THEMIS: variants seen among roughly 807,000 people sequenced by gnomAD.
THEMIS encodes the protein protein THEMIS.
THEMIS carries 37 observed loss-of-function variants against 52.6 expected under a neutral mutation model. That is an observed-to-expected ratio of 0.70 (90% CI 0.54 to 0.93). The LOEUF is 0.93. Ranked by LOEUF, THEMIS falls within the 40% of genes least tolerant of loss-of-function variation. The pLI is 0.00. For missense variants in THEMIS, 808 were observed against 763.1 expected, an observed-to-expected ratio of 1.06 and a Z score of -0.69; for synonymous variants, 292 against 272.7, an observed-to-expected ratio of 1.07 and a Z score of -0.70.
intron 2 of THEMIS, among the ~76,000 whole-genome samples, chr6:127,843,385 T>G (rs1779115356): frequency 6.6e-6 from 1 of 151,956 alleles, no homozygotes; most frequent in Non-Finnish European, 1.5e-5. Context: ...GTAGCCATTG[T>G]GCTGAGCACT....
intron 4 of THEMIS, among the ~76,000 whole-genome samples, chr6:127,803,428 A>T (rs1365555371): frequency 6.6e-6 from 1 of 152,112 alleles, no homozygotes; most frequent in South Asian, 2.1e-4. Flanking sequence ...TTTGCTTATT[A>T]TTAAAGTGTT....
chr6:127,764,866 G>C (rs1381094366), intron 4 of THEMIS, among the ~76,000 whole-genome samples: 2 of 151,752 alleles, frequency 1.3e-5, no homozygotes, highest in East Asian at 3.9e-4. Flanking sequence ...CATGAAATTA[G>C]ACCCCCCAAT....
rs772439500 is a variant in THEMIS, at chr6:127,813,304, A to G, written c.1337T>C (p.Ile446Thr). 1.9e-6 allele frequency: 3 copies of G among 1,614,146 alleles called. No individual in the cohort carries two copies. Among genetic ancestry groups the G allele is most frequent in the East Asian group, 2.2e-5 (1 of 44,882 alleles). The change falls in exon 4 of 6, where the codon ATT (isoleucine) becomes ACT (threonine). Residue 446 changes from isoleucine to threonine, a missense_variant. Ile to Thr is a moderately conservative substitution (Grantham distance 89). Coordinates refer to ENST00000368248, the MANE Select transcript of THEMIS (RefSeq NM_001010923.3). ...ACGGAACTGTTTACAGAGCTCAGAA[A>G]TCGGGTACTGTTTCTTATCATGAAT... ...EVIHDKKQYP[I>T]SELCKQFRLP...
At chr6:127,754,724 A>G (rs1454592454) in intron 4 of THEMIS, among the ~76,000 whole-genome samples, 1 of 152,180 alleles carries the variant, frequency 6.6e-6, no homozygotes, top group East Asian at 1.9e-4. Flanking sequence ...AAAAAAGAGG[A>G]GTTAATATAA....
chr6:127,785,220 T>TATCTATCTATC lies in THEMIS; in HGVS notation c.1758+27662_1758+27663insGATAGATAGAT. On this transcript the variant is annotated intron_variant, in intron 4 of 5. Coordinates refer to ENST00000368248, the MANE Select transcript of THEMIS (RefSeq NM_001010923.3). ...TCTACCTACCTACCTATTATCTATC[T>TATCTATCTATC]TATCTATCTATCTATCTATCTATCT... Among the ~76,000 whole-genome samples the TATCTATCTATC allele has an allele frequency of 2.1e-5, 2 of 93,758 alleles. 1 individual carries two copies. Among genetic ancestry groups the TATCTATCTATC allele is most frequent in the Middle Eastern group, 0.01 (2 of 192 alleles). 61.5% of individuals were successfully genotyped at this position (93,758 alleles called of 152,430 possible). A position where few individuals can be genotyped will look rare whatever the true frequency, so the allele number is the denominator to read the frequency against.
At chr6:127,889,100 T>C (rs2114462408) in intron 1 of THEMIS, among the ~76,000 whole-genome samples, 1 of 152,226 alleles carries the variant, frequency 6.6e-6, no homozygotes, top group Non-Finnish European at 1.5e-5. Flanking sequence ...TCTCTGCTAA[T>C]TATAGTCACT....
intron 1 of THEMIS, among the ~76,000 whole-genome samples, chr6:127,873,199 G>A (rs1039425053): frequency 5.9e-5 from 9 of 152,108 alleles, no homozygotes; most frequent in Non-Finnish European, 1.0e-4. Flanking sequence ...TCTCAACAAC[G>A]TAAAGATGTC....
chr6:127,847,436 T>A (rs1779257436), intron 2 of THEMIS, among the ~76,000 whole-genome samples: 1 of 151,998 alleles, frequency 6.6e-6, no homozygotes. Context: ...TTTAGCAAAG[T>A]CTCAGGTTAC....
intron 3 of THEMIS, among the ~76,000 whole-genome samples, chr6:127,817,923 C>T (rs1778192685): frequency 1.3e-5 from 2 of 152,166 alleles, no homozygotes; most frequent in East Asian, 1.9e-4. Flanking sequence ...TTTCCTTGTG[C>T]TTCTGGCAGG....
At chr6:127,853,262 A>T (rs1779493885) in intron 2 of THEMIS, among the ~76,000 whole-genome samples, 1 of 151,654 alleles carries the variant, frequency 6.6e-6, no homozygotes, top group African/African-American at 2.4e-5. Context: ...AGTGATTTAA[A>T]AAGGGAATTG....
chr6:127,727,732 CA>C (rs1774600570), intron 4 of THEMIS, among the ~76,000 whole-genome samples: 1 of 152,082 alleles, frequency 6.6e-6, no homozygotes, highest in Admixed American at 6.6e-5. Context: ...TATAAATTAT[CA>C]AATGGCATTC....
chr6:127,839,840 C>T (rs1166025451), intron 2 of THEMIS, among the ~76,000 whole-genome samples: 1 of 152,098 alleles, frequency 6.6e-6, no homozygotes. Context: ...TACCTGACTA[C>T]AGGGCATCGT....
At chr6:127,860,899 C>T (rs1323808168) in intron 1 of THEMIS, among the ~76,000 whole-genome samples, 3 of 152,028 alleles carry the variant, frequency 2.0e-5, no homozygotes, top group South Asian at 4.2e-4. Context: ...ACTAAGAGGG[C>T]TTACAAGTGG....
chr6:127,861,130 A>T (rs1779783735), intron 1 of THEMIS, among the ~76,000 whole-genome samples: 2 of 152,162 alleles, frequency 1.3e-5, no homozygotes, highest in Admixed American at 1.3e-4. Context: ...GACATAAATA[A>T]TATCATAATT....
At chr6:127,779,356 G>A (rs188233279) in intron 4 of THEMIS, among the ~76,000 whole-genome samples, 2 of 152,136 alleles carry the variant, frequency 1.3e-5, no homozygotes, top group Non-Finnish European at 2.9e-5. Flanking sequence ...AGTTAACAAC[G>A]AGTTTGAATT....
At chr6:127,786,002 C>A (rs1433432625) in intron 4 of THEMIS, among the ~76,000 whole-genome samples, 1 of 151,936 alleles carries the variant, frequency 6.6e-6, no homozygotes, top group African/African-American at 2.4e-5. Context: ...AGTAGGAGAT[C>A]TTTTTAGGAA....
At chr6:127,915,608 GA>G (rs1781507564) in intron 1 of THEMIS, among the ~76,000 whole-genome samples, 4 of 151,680 alleles carry the variant, frequency 2.6e-5, no homozygotes, top group African/African-American at 9.7e-5. Context: ...GAGAGAGAGA[GA>G]GAGAGAGAGA....
Position 127,855,147 on chromosome 6 carries a change from T to C in THEMIS, c.133A>G (p.Thr45Ala). The C allele has an allele frequency of 6.2e-7, 1 of 1,607,158 alleles. No homozygotes were observed. Among genetic ancestry groups the C allele is most frequent in the South Asian group, 1.1e-5 (1 of 89,878 alleles). The change falls in exon 2 of 6, where the codon ACA becomes GCA. Residue 45 changes from threonine to alanine, a missense_variant. Transcript: ENST00000368248. ...EMFGNECCFS[T>A]GEVIKITGLK... ...CCAGTAATTTTAATCACTTCTCCTG[T>C]TGAAAAACAGCATTCATTTCCAAAC...
At chr6:127,793,736 A>G (rs547670842) in intron 4 of THEMIS, among the ~76,000 whole-genome samples, 3 of 152,358 alleles carry the variant, frequency 2.0e-5, no homozygotes, top group African/African-American at 7.2e-5. Flanking sequence ...TTCAACACTT[A>G]ACTGGCCAGT....
Sources: gnomAD v4.1 joint callset for allele counts (sites outside exome capture counted in the v4.1 genomes callset) on GRCh38, gnomAD v4.1.1 for gene constraint, MANE v1.5 for transcripts, NCBI Gene and HGNC (gene_info 2026-07-23, HGNC 2026-07-21) for gene names.